The following LRRC4C variants were observed in gnomAD, a reference collection of about 807,000 sequenced individuals.
LRRC4C encodes leucine-rich repeat-containing protein 4C.
A neutral mutation model predicts 33.6 loss-of-function variants in LRRC4C; 5 were observed. The ratio of observed to expected loss-of-function variants is 0.15; its 90% CI spans 0.08 to 0.31. The LOEUF (loss-of-function observed/expected upper bound fraction) is 0.31, where lower values mean the gene tolerates loss of function less well. Among genes scored for constraint, LRRC4C ranks in the 10% least tolerant of loss-of-function variants. The pLI is 1.00. For missense variants in LRRC4C, 560 were observed against 796.7 expected, an observed-to-expected ratio of 0.70 and a Z score of 3.58; for synonymous variants, 329 against 302.0, an observed-to-expected ratio of 1.09 and a Z score of -0.93.
intron 1 of LRRC4C, among the ~76,000 whole-genome samples, chr11:41,191,872 T>C (rs1945964875): frequency 6.6e-6 from 1 of 152,152 alleles, no homozygotes; most frequent in Admixed American, 6.6e-5. Flanking sequence ...GATTCAACAG[T>C]TCTAAGCAGC....
chr11:40,706,246 G>C (rs1302877525), intron 2 of LRRC4C, among the ~76,000 whole-genome samples: 1 of 152,086 alleles, frequency 6.6e-6, no homozygotes, highest in Non-Finnish European at 1.5e-5. Context: ...GGCTTTTCTT[G>C]ACATTGCTTT....
intron 5 of LRRC4C, among the ~76,000 whole-genome samples, chr11:40,175,768 GC>G (rs1201855874): frequency 6.6e-6 from 1 of 152,158 alleles, no homozygotes; most frequent in African/African-American, 2.4e-5. Context: ...CAGCATTTCA[GC>G]CCTTGATTAT....
chr11:41,393,492 A>C (rs975537363), intron 1 of LRRC4C, among the ~76,000 whole-genome samples: 1 of 151,754 alleles, frequency 6.6e-6, no homozygotes, highest in East Asian at 1.9e-4. Context: ...GGCAGGGGGG[A>C]GGAGGAGAGA....
At chr11:40,570,334 G>A (rs989493101) in intron 3 of LRRC4C, among the ~76,000 whole-genome samples, 1 of 152,108 alleles carries the variant, frequency 6.6e-6, no homozygotes, top group Non-Finnish European at 1.5e-5. Context: ...AAGAGCTAGC[G>A]TTCTCTGGGT....
At chr11:41,329,136 A>G (rs1951214830) in intron 1 of LRRC4C, among the ~76,000 whole-genome samples, 1 of 152,188 alleles carries the variant, frequency 6.6e-6, no homozygotes. Context: ...ATTTTCTTCA[A>G]GACTCATTGG....
chr11:41,364,404 G>A (rs569491191), intron 1 of LRRC4C, among the ~76,000 whole-genome samples: 23 of 152,038 alleles, frequency 1.5e-4, no homozygotes, highest in Non-Finnish European at 3.1e-4. Flanking sequence ...TCAGCCTCCC[G>A]ATTAGCTAGG....
chr11:40,351,521 G>A, intron 3 of LRRC4C: 1 of 148,374 alleles, frequency 6.7e-6, no homozygotes, highest in Non-Finnish European at 1.5e-5. Flanking sequence ...AGCTATTGTT[G>A]TACCGAGGTC....
chr11:40,960,897 A>C (rs1209985361), intron 1 of LRRC4C, among the ~76,000 whole-genome samples: 1 of 151,724 alleles, frequency 6.6e-6, no homozygotes, highest in Non-Finnish European at 1.5e-5. Flanking sequence ...AAGTTCCACG[A>C]ACAGCTCAGG....
intron 1 of LRRC4C, among the ~76,000 whole-genome samples, chr11:41,139,873 G>A (rs541824913): frequency 1.3e-5 from 2 of 152,188 alleles, no homozygotes; most frequent in Admixed American, 6.5e-5. Flanking sequence ...GTCTTTGATC[G>A]GGGCACTGTG....
chr11:40,454,184 T>TG (rs1305263401), intron 3 of LRRC4C, among the ~76,000 whole-genome samples: 33 of 151,066 alleles, frequency 2.2e-4, no homozygotes, highest in African/African-American at 2.2e-4. Context: ...TTTTTTTTTT[T>TG]TTTTTTAACA....
chr11:41,143,296 T>G (rs1943592022), intron 1 of LRRC4C, among the ~76,000 whole-genome samples: 1 of 96,660 alleles, frequency 1.0e-5, no homozygotes. Context: ...AAAAATAAAT[T>G]TTCCAGAACT....
chr11:40,860,087 C>G lies in LRRC4C; in HGVS notation c.-407+73548G>C, dbSNP rs540517899. Among the ~76,000 whole-genome samples, 12 of 38,430 alleles carry G rather than the reference C, an allele frequency of 3.1e-4. No homozygotes were observed. In the East Asian group the frequency reaches 6.1e-3, roughly 19 times the overall value. The allele number at this position is 38,430 out of a possible 152,430, so 25.2% of individuals were successfully genotyped here. On this transcript the variant is annotated intron_variant, in intron 2 of 6. Transcript: ENST00000528697. ...GGTGACAGAGCGAGACTCTGTCCCC[C>G]CAAAAAATAAATAAATAAATAAATA... is the stretch of plus-strand genomic sequence containing the variant.
intron 3 of LRRC4C, among the ~76,000 whole-genome samples, chr11:40,476,342 C>CTTTTTTTTTTT (rs71308392): frequency 7.4e-5 from 6 of 81,370 alleles, no homozygotes; most frequent in Non-Finnish European, 1.0e-4. Context: ...TTTTTTTCTT[C>CTTTTTTTTTTT]TTTTTTTTTT....
chr11:40,838,424 C>T (rs1185736153), intron 2 of LRRC4C, among the ~76,000 whole-genome samples: 1 of 152,132 alleles, frequency 6.6e-6, no homozygotes, highest in Non-Finnish European at 1.5e-5. Flanking sequence ...TTGAAAATTT[C>T]ATCTGATTTA....
At chr11:40,322,147 C>A (rs1020301454) in intron 3 of LRRC4C, among the ~76,000 whole-genome samples, 3 of 152,110 alleles carry the variant, frequency 2.0e-5, no homozygotes, top group African/African-American at 7.2e-5. Flanking sequence ...TGTTCAGGAA[C>A]CAGAAAGCAG....
chr11:40,981,447 C>T (rs187551910), intron 1 of LRRC4C, among the ~76,000 whole-genome samples: 2 of 152,186 alleles, frequency 1.3e-5, no homozygotes, highest in East Asian at 3.9e-4. Context: ...CGACAAGCGT[C>T]TATATTTGTT....
rs188791211 is a variant in LRRC4C, at chr11:41,213,971, A to G, written c.-496+245460T>C. Reference sequence around the variant, plus strand: ...ATAAATTTGATTTGATCTCATTATAATATCCTTTAAAGTACTAAATCTTTC... The same window carrying G: ...ATAAATTTGATTTGATCTCATTATAGTATCCTTTAAAGTACTAAATCTTTC... On this transcript the variant is annotated intron_variant, in intron 1 of 6. Coordinates refer to ENST00000528697, the MANE Select transcript of LRRC4C (RefSeq NM_001258419.2). 3.4e-3 allele frequency among the ~76,000 whole-genome samples: 513 copies of G among 152,276 alleles called. 1 individual carries two copies. Among genetic ancestry groups the G allele is most frequent in the Non-Finnish European group, 6.1e-3 (413 of 68,016 alleles).
chr11:41,408,111 A>C (rs1954310961), intron 1 of LRRC4C, among the ~76,000 whole-genome samples: 1 of 152,198 alleles, frequency 6.6e-6, no homozygotes. Flanking sequence ...ATTGAAAAGC[A>C]GAAGGTCAGA....
intron 3 of LRRC4C, among the ~76,000 whole-genome samples, chr11:40,355,960 TATA>T (rs1947644285): frequency 9.4e-6 from 1 of 106,066 alleles, no homozygotes; most frequent in Non-Finnish European, 2.1e-5. Context: ...TATTGTATAG[TATA>T]GTATAGTATA....
Sources: gnomAD v4.1 joint callset for allele counts (sites outside exome capture counted in the v4.1 genomes callset) on GRCh38, gnomAD v4.1.1 for gene constraint, MANE v1.5 for transcripts, NCBI Gene and HGNC (gene_info 2026-07-23, HGNC 2026-07-21) for gene names.